NR3C2: variants seen among roughly 807,000 people sequenced by gnomAD.
The protein encoded by NR3C2 is nuclear receptor subfamily 3 group C member 2, also known as mineralocorticoid receptor.
NR3C2 carries 15 observed loss-of-function variants against 86.4 expected under a neutral mutation model. The observed-to-expected ratio is 0.17, with a 90% confidence interval of 0.12 to 0.27. The LOEUF (loss-of-function observed/expected upper bound fraction) is 0.27, where lower values mean the gene tolerates loss of function less well. Among genes scored for constraint, NR3C2 ranks in the 10% least tolerant of loss-of-function variants. NR3C2 has a pLI of 1.00. For missense variants in NR3C2, 960 were observed against 1,195.6 expected (o/e 0.80, Z 2.91); for synonymous variants, 458 against 450.5 (o/e 1.02, Z -0.21).
intron 2 of NR3C2, among the ~76,000 whole-genome samples, chr4:148,323,451 T>C (rs6839414): frequency 1.5e-5 from 2 of 137,564 alleles, no homozygotes; most frequent in East Asian, 4.2e-4. Context: ...ATCAAGCCTG[T>C]GCAATGGCGG....
At chr4:148,320,790 A>G (rs1352766430) in intron 2 of NR3C2, among the ~76,000 whole-genome samples, 4 of 150,660 alleles carry the variant, frequency 2.7e-5, no homozygotes, top group East Asian at 2.0e-4. Context: ...TAGTCTTGCT[A>G]GCGGTCTATC....
intron 4 of NR3C2, among the ~76,000 whole-genome samples, chr4:148,156,144 A>G (rs1734376925): frequency 6.6e-6 from 1 of 152,126 alleles, no homozygotes; most frequent in South Asian, 2.1e-4. Context: ...CGTTAGACCT[A>G]AAACCATAAA....
chr4:148,134,113 G>C (rs1733164329), intron 6 of NR3C2, among the ~76,000 whole-genome samples: 1 of 152,152 alleles, frequency 6.6e-6, no homozygotes, highest in Non-Finnish European at 1.5e-5. Flanking sequence ...TGCCTGAATA[G>C]AAAAGAAGGG....
chr4:148,141,829 A>G (rs756255882), intron 6 of NR3C2, among the ~76,000 whole-genome samples: 4 of 152,138 alleles, frequency 2.6e-5, no homozygotes, highest in Non-Finnish European at 5.9e-5. Context: ...AATCTAACTA[A>G]TGCCCGATGA....
chr4:148,383,132 T>G (rs993256690), intron 2 of NR3C2, among the ~76,000 whole-genome samples: 5 of 152,242 alleles, frequency 3.3e-5, no homozygotes, highest in Non-Finnish European at 7.3e-5. Flanking sequence ...TCTTAATTTG[T>G]GACATGTAGA....
chr4:148,272,481 T>C (rs538773972), intron 2 of NR3C2, among the ~76,000 whole-genome samples: 1 of 152,302 alleles, frequency 6.6e-6, no homozygotes, highest in East Asian at 1.9e-4. Context: ...TATAAGTGTG[T>C]GAAAGGACCC....
At chr4:148,170,020 C>T (rs1735052443) in intron 4 of NR3C2, among the ~76,000 whole-genome samples, 1 of 152,038 alleles carries the variant, frequency 6.6e-6, no homozygotes, top group Admixed American at 6.6e-5. Flanking sequence ...AGGGAAAGGA[C>T]AGATATTAAA....
chr4:148,171,536 T>C (rs1735126129), intron 4 of NR3C2, among the ~76,000 whole-genome samples: 1 of 152,210 alleles, frequency 6.6e-6, no homozygotes, highest in African/African-American at 2.4e-5. Flanking sequence ...TCGGGCATTA[T>C]ATTCTCATAA....
chr4:148,102,379 A>G (rs1022915092), intron 8 of NR3C2, among the ~76,000 whole-genome samples: 1 of 152,062 alleles, frequency 6.6e-6, no homozygotes, highest in Admixed American at 6.5e-5. Context: ...TCTACCTGCT[A>G]TTTCCTCCAG....
In NR3C2 at chr4:148,080,876, A is replaced by AT. The variant is rs748857706; in HGVS notation, c.*467dup. ...AGGAATCTGTATATATTTTTTTATT[A>AT]TTTTTTTGTGTTTTTTTAATAACAA... On this transcript the variant is annotated 3_prime_UTR_variant, in exon 9 of 9. Coordinates refer to ENST00000358102, the MANE Select transcript of NR3C2 (RefSeq NM_000901.5). 55 of 363,196 alleles carry AT rather than the reference A, an allele frequency of 1.5e-4. No individual in the cohort carries two copies. The highest frequency in any genetic ancestry group is 5.8e-4 in the Admixed American group (17 of 29,118). 22.5% of individuals were successfully genotyped at this position (363,196 alleles called of 1,614,324 possible). A position where few individuals can be genotyped will look rare whatever the true frequency, so the allele number is the denominator to read the frequency against.
At chr4:148,365,516 A>G (rs1746067717) in intron 2 of NR3C2, among the ~76,000 whole-genome samples, 1 of 152,174 alleles carries the variant, frequency 6.6e-6, no homozygotes, top group African/African-American at 2.4e-5. Flanking sequence ...TTATCAAATT[A>G]TGTTTCTTAA....
chr4:148,424,333 T>G (rs953551563), intron 2 of NR3C2, among the ~76,000 whole-genome samples: 2 of 152,222 alleles, frequency 1.3e-5, no homozygotes, highest in African/African-American at 4.8e-5. Flanking sequence ...AATACACTGC[T>G]GATGGGAATA....
At chr4:148,222,609 A>T (rs1402361475) in intron 3 of NR3C2, among the ~76,000 whole-genome samples, 1 of 152,224 alleles carries the variant, frequency 6.6e-6, no homozygotes, top group Non-Finnish European at 1.5e-5. Flanking sequence ...ATTGCTGGAA[A>T]ATCATTTAGG....
intron 2 of NR3C2, among the ~76,000 whole-genome samples, chr4:148,376,458 T>C (rs1746685338): frequency 6.6e-6 from 1 of 152,198 alleles, no homozygotes; most frequent in Admixed American, 6.5e-5. Flanking sequence ...TAGCCCCACA[T>C]GCAATAGACC....
intron 2 of NR3C2, among the ~76,000 whole-genome samples, chr4:148,417,242 G>A (rs896507435): frequency 2.0e-5 from 3 of 152,044 alleles, no homozygotes; most frequent in African/African-American, 7.3e-5. Context: ...TTTGGCATAT[G>A]GGAATTTTGA....
Position 148,144,490 on chromosome 4 carries a change from G to A in NR3C2, c.2510+7979C>T, listed in dbSNP as rs555375171. On this transcript the variant is annotated intron_variant, in intron 6 of 8. Transcript: ENST00000358102. ...TTACAGGTGTGAGGTACCATGCCTGGCTAAAAGCGACTTTCTACTCCAACT... is the reference window on the plus strand; with the variant it reads ...TTACAGGTGTGAGGTACCATGCCTGACTAAAAGCGACTTTCTACTCCAACT... Among the ~76,000 whole-genome samples, 6 of 152,258 alleles carry A rather than the reference G, an allele frequency of 3.9e-5. No homozygotes were observed. The South Asian group carries it at 1.0e-3, about 26-fold the overall frequency.
At chr4:148,264,932 A>G (rs1285716860) in intron 2 of NR3C2, among the ~76,000 whole-genome samples, 2 of 152,176 alleles carry the variant, frequency 1.3e-5, no homozygotes, top group Non-Finnish European at 2.9e-5. Context: ...TTTGGTTAAA[A>G]TGTCTGAATA....
intron 8 of NR3C2, among the ~76,000 whole-genome samples, chr4:148,106,567 G>GA (rs1477467669): frequency 3.3e-5 from 5 of 151,908 alleles, no homozygotes; most frequent in African/African-American, 1.2e-4. Context: ...ACAATACTAA[G>GA]AAAAAAGAAA....
chr4:148,148,401 C>T (rs1420032826), intron 6 of NR3C2, among the ~76,000 whole-genome samples: 1 of 152,246 alleles, frequency 6.6e-6, no homozygotes, highest in Non-Finnish European at 1.5e-5. Flanking sequence ...ATTTTCCATT[C>T]TGCATTTGGA....
Sources: allele counts gnomAD v4.1 joint callset (sites outside exome capture counted in the v4.1 genomes callset), GRCh38; gene constraint gnomAD v4.1.1; transcripts MANE v1.5; gene names NCBI Gene and HGNC (gene_info 2026-07-23, HGNC 2026-07-21).